THSD7B: variants seen among roughly 807,000 people sequenced by gnomAD.
THSD7B encodes the protein thrombospondin type-1 domain-containing protein 7B.
Under a neutral mutation model 213.6 loss-of-function variants are expected in THSD7B, and 138 were observed. The observed-to-expected ratio is 0.65, with a 90% CI of 0.56 to 0.74. THSD7B has a LOEUF of 0.74. Ranked by LOEUF, THSD7B falls within the 30% of genes least tolerant of loss-of-function variation. THSD7B has a pLI of 0.00. For synonymous variants in THSD7B, 742 were observed against 687.0 expected (o/e 1.08, Z -1.25); for missense variants, 1,931 against 1,991.5 (o/e 0.97, Z 0.58).
At chr2:137,002,459 T>A (rs1189299066) in intron 2 of THSD7B, among the ~76,000 whole-genome samples, 1 of 152,150 alleles carries the variant, frequency 6.6e-6, no homozygotes, top group East Asian at 1.9e-4. Flanking sequence ...ATCTGCTGTA[T>A]CTTAGGACTC....
chr2:137,012,493 T>G (rs1686249926), intron 2 of THSD7B, among the ~76,000 whole-genome samples: 1 of 152,236 alleles, frequency 6.6e-6, no homozygotes, highest in East Asian at 1.9e-4. Context: ...GTGAATGGTT[T>G]GGTTTAACTC....
At chr2:137,363,711 A>G (rs993905782) in intron 12 of THSD7B, among the ~76,000 whole-genome samples, 29 of 152,354 alleles carry the variant, frequency 1.9e-4, no homozygotes, top group Middle Eastern at 3.4e-3. Context: ...CAGTGAATAG[A>G]CCAATAACAG....
chr2:137,028,388 C>T (rs1172059161), intron 2 of THSD7B, among the ~76,000 whole-genome samples: 1 of 152,210 alleles, frequency 6.6e-6, no homozygotes, highest in Non-Finnish European at 1.5e-5. Flanking sequence ...AAATTATTGA[C>T]AGGCTTATCA....
chr2:136,865,954 A>G (rs1287325267), intron 1 of THSD7B, among the ~76,000 whole-genome samples: 1 of 152,186 alleles, frequency 6.6e-6, no homozygotes, highest in Non-Finnish European at 1.5e-5. Context: ...GTGGCCACAG[A>G]ACAGAGTGAC....
At chr2:137,587,862 C>T in intron 17 of THSD7B, among the ~76,000 whole-genome samples, 1 of 152,230 alleles carries the variant, frequency 6.6e-6, no homozygotes, top group African/African-American at 2.4e-5. Flanking sequence ...CTCTTCAGAG[C>T]TGTCAGACAG....
intron 12 of THSD7B, among the ~76,000 whole-genome samples, chr2:137,317,407 C>A (rs1684140836): frequency 1.3e-5 from 2 of 152,180 alleles, no homozygotes; most frequent in African/African-American, 4.8e-5. Context: ...GCAGAGGCAC[C>A]TTTTGAAATA....
intron 2 of THSD7B, among the ~76,000 whole-genome samples, chr2:136,979,215 C>A (rs1400274102): frequency 2.0e-5 from 3 of 150,018 alleles, no homozygotes; most frequent in Non-Finnish European, 2.9e-5. Flanking sequence ...TTTCTTGCTG[C>A]CCTTAACATT....
chr2:136,857,900 T>C (rs1683200762), intron 1 of THSD7B, among the ~76,000 whole-genome samples: 1 of 152,248 alleles, frequency 6.6e-6, no homozygotes, highest in Admixed American at 6.5e-5. Context: ...CATTCCTTGC[T>C]GTTCTAGCAT....
chr2:137,527,268 G>T (rs1198845977), intron 15 of THSD7B, among the ~76,000 whole-genome samples: 1 of 152,064 alleles, frequency 6.6e-6, no homozygotes, highest in East Asian at 1.9e-4. Flanking sequence ...CAAGAAAATT[G>T]CCTTGTAGAA....
intron 1 of THSD7B, among the ~76,000 whole-genome samples, chr2:136,844,490 G>GAGAGAGAGAGAGAGAGAGAGAGAGAC (rs895586400): frequency 4.0e-5 from 6 of 149,600 alleles, no homozygotes; most frequent in East Asian, 3.9e-4. Context: ...GAGAGAGAGA[G>GAGAGAGAGAGAGAGAGAGAGAGAGAC]AGAGACAGAG....
chr2:137,276,021 C>A lies in THSD7B; in HGVS notation c.2495C>A (p.Thr832Lys). Residue 832 changes from threonine to lysine, a missense_variant, in exon 12 of 28, where the codon ACA (threonine) becomes AAA (lysine). Physicochemically the swap from Thr to Lys is moderately conservative, Grantham distance 78 (BLOSUM62 -1). Coordinates refer to ENST00000409968, the MANE Select transcript of THSD7B (RefSeq NM_001316349.2). ...GAAGCCTGTGGAAAGGGGTTACAAACAAGAGGTATGATGATTTTTACATAG... is the reference window on the plus strand; with the variant it reads ...GAAGCCTGTGGAAAGGGGTTACAAAAAAGAGGTATGATGATTTTTACATAG... ...SSEACGKGLQ[T>K]RAVSCISDDN... The A allele has an allele frequency of 6.2e-7, 1 of 1,609,506 alleles. No homozygotes were observed. Among genetic ancestry groups the A allele is most frequent in the Non-Finnish European group, 8.5e-7 (1 of 1,177,574 alleles).
intron 7 of THSD7B, among the ~76,000 whole-genome samples, chr2:137,189,095 C>A (rs1285745721): frequency 6.6e-6 from 1 of 152,164 alleles, no homozygotes; most frequent in Admixed American, 6.5e-5. Context: ...ATTCTCTTCT[C>A]TGGCAGCCAA....
At chr2:137,565,091 C>T (rs1681207719) in intron 16 of THSD7B, among the ~76,000 whole-genome samples, 1 of 152,134 alleles carries the variant, frequency 6.6e-6, no homozygotes, top group African/African-American at 2.4e-5. Context: ...AGATGCCCAT[C>T]TATAAACCAA....
At chr2:137,366,400 A>G (rs954568156) in intron 12 of THSD7B, among the ~76,000 whole-genome samples, 20 of 152,296 alleles carry the variant, frequency 1.3e-4, no homozygotes, top group African/African-American at 4.8e-4. Flanking sequence ...TAATAAAAAA[A>G]AAAAGAATTT....
Position 137,563,279 on chromosome 2 carries a change from A to G in THSD7B, c.3197A>G (p.His1066Arg). Residue 1066 changes from histidine to arginine, a missense_variant, in exon 16 of 28, where the codon CAC becomes CGC. Physicochemically the swap from His to Arg is conservative, Grantham distance 29 (BLOSUM62 0). Coordinates refer to ENST00000409968, the MANE Select transcript of THSD7B (RefSeq NM_001316349.2). ...AATCAGTATTCCTGGGTTGTAGAACACTGGTCTTCATGCAAAATCAACAAT... is the reference window on the plus strand; with the variant it reads ...AATCAGTATTCCTGGGTTGTAGAACGCTGGTCTTCATGCAAAATCAACAAT... ...ECNQYSWVVE[H>R]WSSCKINNEL... The G allele has an allele frequency of 6.2e-7, 1 of 1,613,520 alleles. No homozygotes were observed. Among genetic ancestry groups the G allele is most frequent in the Non-Finnish European group, 8.5e-7 (1 of 1,179,622 alleles).
chr2:137,006,334 G>T (rs1287956927), intron 2 of THSD7B, among the ~76,000 whole-genome samples: 1 of 152,204 alleles, frequency 6.6e-6, no homozygotes, highest in Non-Finnish European at 1.5e-5. Context: ...GGCGGAGCTT[G>T]CAGTGAGCCG....
chr2:136,933,201 T>A (rs926951591), intron 2 of THSD7B, among the ~76,000 whole-genome samples: 3 of 150,130 alleles, frequency 2.0e-5, no homozygotes, highest in Admixed American at 6.6e-5. Context: ...TTTTCTGTAA[T>A]ACATTTTCAA....
intron 17 of THSD7B, among the ~76,000 whole-genome samples, chr2:137,574,112 T>G (rs147923486): frequency 6.6e-6 from 1 of 152,090 alleles, no homozygotes; most frequent in East Asian, 1.9e-4. Context: ...CTTTTGTTTT[T>G]CTAATTTACT....
At chr2:137,310,697 G>A (rs1478489360) in intron 12 of THSD7B, among the ~76,000 whole-genome samples, 2 of 152,004 alleles carry the variant, frequency 1.3e-5, no homozygotes, top group Non-Finnish European at 2.9e-5. Flanking sequence ...CATAAGGAAG[G>A]GATCCAGTTT....
Sources: allele counts gnomAD v4.1 joint callset (sites outside exome capture counted in the v4.1 genomes callset), GRCh38; gene constraint gnomAD v4.1.1; transcripts MANE v1.5; gene names NCBI Gene and HGNC (gene_info 2026-07-23, HGNC 2026-07-21).